CECR2: variants seen among roughly 807,000 people sequenced by gnomAD.
The protein encoded by CECR2 is chromatin remodeling regulator CECR2.
Under a neutral mutation model 154.5 loss-of-function variants are expected in CECR2, and 30 were observed. That is an observed-to-expected ratio of 0.19 (90% CI 0.15 to 0.26). The LOEUF is 0.26. Among genes scored for constraint, CECR2 ranks in the 10% least tolerant of loss-of-function variants. CECR2 has a pLI of 1.00. For synonymous variants in CECR2, 725 were observed against 683.7 expected (o/e 1.06, Z -0.94); for missense variants, 1,743 against 1,829.3 (o/e 0.95, Z 0.86).
At chr22:17,371,853 C>T (rs2063065218) in intron 1 of CECR2, among the ~76,000 whole-genome samples, 1 of 152,184 alleles carries the variant, frequency 6.6e-6, no homozygotes, top group Admixed American at 6.6e-5. Context: ...CTCATTTTGC[C>T]TTAAGTACTC....
chr22:17,459,358 C>T (rs767469601), intron 1 of CECR2, among the ~76,000 whole-genome samples: 11 of 152,202 alleles, frequency 7.2e-5, no homozygotes, highest in Admixed American at 3.9e-4. Flanking sequence ...GTGGCATGAC[C>T]ACAGCTCACT....
chr22:17,440,400 T>G (rs986625329), intron 1 of CECR2, among the ~76,000 whole-genome samples: 3 of 152,208 alleles, frequency 2.0e-5, no homozygotes, highest in African/African-American at 7.2e-5. Context: ...CTTTTTTGCC[T>G]TGTTGATTGA....
At chr22:17,414,460 T>TC (rs922131790) in intron 1 of CECR2, among the ~76,000 whole-genome samples, 7 of 151,460 alleles carry the variant, frequency 4.6e-5, no homozygotes, top group African/African-American at 1.7e-4. Flanking sequence ...TTTTTTCTTT[T>TC]TTTTTTTTTT....
intron 1 of CECR2, among the ~76,000 whole-genome samples, chr22:17,370,327 G>C (rs1372667486): frequency 2.7e-5 from 4 of 149,784 alleles, no homozygotes; most frequent in African/African-American, 7.3e-5. Flanking sequence ...CGCGGGGGGG[G>C]GGCCCGCGCG....
chr22:17,528,250 T>C (rs760685800), intron 9 of CECR2, among the ~76,000 whole-genome samples: 4 of 152,222 alleles, frequency 2.6e-5, no homozygotes, highest in Non-Finnish European at 5.9e-5. Flanking sequence ...TGCAGTCGTT[T>C]GCAACAACAT....
At chr22:17,377,103 C>T (rs1176093687) in intron 1 of CECR2, among the ~76,000 whole-genome samples, 2 of 152,144 alleles carry the variant, frequency 1.3e-5, no homozygotes. Context: ...AGAAATGTTT[C>T]TCAGCATGCA....
chr22:17,503,209 G>A (rs1220475462), intron 6 of CECR2, 78 bp downstream of exon 6: 1 of 1,369,996 alleles, frequency 7.3e-7, no homozygotes, highest in Non-Finnish European at 1.0e-6. Flanking sequence ...TCTTTTTCTA[G>A]AGTCATACAA....
intron 2 of CECR2, among the ~76,000 whole-genome samples, chr22:17,489,395 G>A (rs919734079): frequency 6.6e-6 from 1 of 151,982 alleles, no homozygotes; most frequent in Non-Finnish European, 1.5e-5. Flanking sequence ...TGTCTTTTTT[G>A]GTGAAATATT....
At position 17,478,351 on chromosome 22, in the gene CECR2, A is replaced by AT. The variant is rs1569107857; in HGVS notation, c.221+669_221+670insT. Among the ~76,000 whole-genome samples the AT allele has an allele frequency of 1.9e-4, 23 of 123,698 alleles. No individual in the cohort carries two copies. The South Asian group carries it at 3.1e-3, about 17-fold the overall frequency. 81.2% of individuals were successfully genotyped at this position (123,698 alleles called of 152,430 possible). On this transcript the variant is annotated intron_variant, in intron 2 of 18. Coordinates refer to ENST00000262608, the MANE Select transcript of CECR2 (RefSeq NM_001290047.2). ...TTCTCAGATAGGTAAAATGGTATCA[A>AT]ATTTTTTTTTTTTTTTTTTTTTGAG...
intron 1 of CECR2, among the ~76,000 whole-genome samples, chr22:17,390,995 C>G (rs2063319962): frequency 6.6e-6 from 1 of 152,114 alleles, no homozygotes; most frequent in Non-Finnish European, 1.5e-5. Context: ...CCCCTGCGTA[C>G]CCTTTACTCT....
chr22:17,383,809 C>T (rs1175776739), intron 1 of CECR2, among the ~76,000 whole-genome samples: 2 of 151,978 alleles, frequency 1.3e-5, no homozygotes, highest in Non-Finnish European at 2.9e-5. Context: ...GGATTACAGA[C>T]ATGCACCACC....
chr22:17,439,292 TAC>T (rs1412990956), intron 1 of CECR2, among the ~76,000 whole-genome samples: 1 of 152,156 alleles, frequency 6.6e-6, no homozygotes, highest in Non-Finnish European at 1.5e-5. Context: ...CCAAATTTAC[TAC>T]AAAAATGAAT....
chr22:17,496,324 G>A (rs752913807), intron 2 of CECR2, among the ~76,000 whole-genome samples: 4 of 151,844 alleles, frequency 2.6e-5, no homozygotes, highest in South Asian at 2.1e-4. Context: ...AGTGAAACCC[G>A]GTCTCTACTA....
rs149763834 is a variant in CECR2 at position 17,551,186 on chromosome 22, C to T, written c.4278-845C>T. The stretch of plus-strand genomic sequence containing the variant: ...AACCCCTCAATACTTGAGCATGCAT[C>T]TCCTAAGAATGGACATGCCTTGGAG... On this transcript the variant is annotated intron_variant, in intron 17 of 18. Coordinates refer to ENST00000262608, the MANE Select transcript of CECR2 (RefSeq NM_001290047.2). 1.8e-3 allele frequency among the ~76,000 whole-genome samples: 280 copies of T among 152,306 alleles called. 3 individuals are homozygous for T. The highest frequency in any genetic ancestry group is 6.3e-3 in the African/African-American group (263 of 41,560).
At chr22:17,426,064 C>T (rs1268997486) in intron 1 of CECR2, among the ~76,000 whole-genome samples, 1 of 152,008 alleles carries the variant, frequency 6.6e-6, no homozygotes, top group East Asian at 1.9e-4. Flanking sequence ...CAGCAGTTAC[C>T]AACTGAAGGA....
At chr22:17,466,063 G>T (rs1430698786) in intron 1 of CECR2, among the ~76,000 whole-genome samples, 1 of 151,994 alleles carries the variant, frequency 6.6e-6, no homozygotes, top group Non-Finnish European at 1.5e-5. Flanking sequence ...GCGCCATCAC[G>T]CAGGCTGGAG....
At chr22:17,408,209 C>G (rs1035295976) in intron 1 of CECR2, among the ~76,000 whole-genome samples, 1 of 149,550 alleles carries the variant, frequency 6.7e-6, no homozygotes, top group African/African-American at 2.5e-5. Flanking sequence ...CCTCAGCCCC[C>G]TCACCCCCCA....
chr22:17,460,039 A>G (rs1312311273), intron 1 of CECR2, among the ~76,000 whole-genome samples: 2 of 152,094 alleles, frequency 1.3e-5, no homozygotes, highest in Non-Finnish European at 2.9e-5. Context: ...CAGCTTTCTG[A>G]GTAGTTGGGA....
At chr22:17,520,771 T>G (rs1392525344) in intron 8 of CECR2, among the ~76,000 whole-genome samples, 2 of 152,198 alleles carry the variant, frequency 1.3e-5, no homozygotes, top group African/African-American at 4.8e-5. Context: ...TTGGGTTTTT[T>G]GGGCTGCATA....
Sources: allele counts gnomAD v4.1 joint callset (sites outside exome capture counted in the v4.1 genomes callset), GRCh38; gene constraint gnomAD v4.1.1; transcripts MANE v1.5; gene names NCBI Gene and HGNC (gene_info 2026-07-23, HGNC 2026-07-21).